The following HMCN1 variants were observed in gnomAD, a reference collection of about 807,000 sequenced individuals.
The protein encoded by HMCN1 is hemicentin-1.
In HMCN1, 321 loss-of-function variants were observed where a neutral mutation model predicts 625.9. The observed-to-expected ratio is 0.51, with a 90% CI of 0.47 to 0.56. The LOEUF (loss-of-function observed/expected upper bound fraction) is 0.56, where lower values mean the gene tolerates loss of function less well. HMCN1 is among the 20% of genes least tolerant of loss of function. The pLI is 0.00. For missense variants in HMCN1, 6,588 were observed against 6,887.3 expected (o/e 0.96, Z 1.54); for synonymous variants, 2,425 against 2,417.6 (o/e 1.00, Z -0.09).
rs1649686114 is a variant in HMCN1 at position 186,137,612 on chromosome 1, A to C, written c.13697A>C (p.Lys4566Thr). 6.2e-7 allele frequency: 1 copy of C among 1,613,956 alleles called. No homozygotes were observed. The change falls in exon 88 of 107, where the codon AAG becomes ACG. Residue 4566 changes from lysine to threonine, a missense_variant. Physicochemically the swap from Lys to Thr is moderately conservative, Grantham distance 78. Around this residue, in one of 3 missense-constraint regions of HMCN1, gnomAD observed 1,954 missense variants for 2,013.1 expected, o/e 0.97. Coordinates refer to ENST00000271588, the MANE Select transcript of HMCN1 (RefSeq NM_031935.3). ...CNQPLPANGG[K>T]PCQGSDLEMR... Reference sequence around the variant, plus strand: ...CAGCCCCTTCCAGCCAATGGTGGGAAGCCCTGCCAAGGTTCAGATTTGGAA... The same window carrying C: ...CAGCCCCTTCCAGCCAATGGTGGGACGCCCTGCCAAGGTTCAGATTTGGAA...
At chr1:185,889,683 T>G (rs1308210217) in intron 4 of HMCN1, among the ~76,000 whole-genome samples, 1 of 139,076 alleles carries the variant, frequency 7.2e-6, no homozygotes, top group Non-Finnish European at 1.5e-5. Flanking sequence ...GTGGATAAGC[T>G]TTTTGATGTG....
chr1:186,042,478 C>T (rs983939261), intron 40 of HMCN1, among the ~76,000 whole-genome samples: 4 of 152,086 alleles, frequency 2.6e-5, no homozygotes, highest in African/African-American at 4.8e-5. Flanking sequence ...CACTGGCTAG[C>T]GTCAAGGGTG....
In HMCN1 at chr1:186,039,759, G is replaced by C; in HGVS notation, c.6060G>C (p.Met2020Ile). 1 of 1,613,480 alleles carries C rather than the reference G, an allele frequency of 6.2e-7. No homozygotes were observed. The highest frequency in any genetic ancestry group is 1.3e-5 in the African/African-American group (1 of 74,988). ...CATCAATTTCTGGCAGCAATAACATGGTGGCAGTGGTGGTTAATAACCCGG... is the reference window on the plus strand; with the variant it reads ...CATCAATTTCTGGCAGCAATAACATCGTGGCAGTGGTGGTTAATAACCCGG... ...VAPSISGSNN[M>I]VAVVVNNPVR... is the part of the protein sequence containing the mutation. The change falls in exon 39 of 107, where the codon ATG (methionine) becomes ATC (isoleucine). Residue 2020 changes from methionine (M) to isoleucine (I), a missense_variant. Physicochemically the swap from Met to Ile is conservative, Grantham distance 10. This residue lies in a region of HMCN1 where 4,628 missense variants were observed against 4,853.1 expected (regional missense o/e 0.95). Transcript: ENST00000271588.
Position 185,782,544 on chromosome 1 carries a change from G to T in HMCN1, c.268+47497G>T, listed in dbSNP as rs538433882. ...GGAGCTCTTTTAGGGCAGGCCTGGT[G>T]GTGACAAAATCTCTCAGCATTTGCT... On this transcript the variant is annotated intron_variant, in intron 1 of 106. Coordinates refer to ENST00000271588, the MANE Select transcript of HMCN1 (RefSeq NM_031935.3). Among the ~76,000 whole-genome samples, 161 of 152,230 alleles carry T rather than the reference G, an allele frequency of 1.1e-3. 2 individuals are homozygous for T. Among genetic ancestry groups the T allele is most frequent in the Non-Finnish European group, 2.1e-4 (14 of 68,012 alleles).
chr1:185,859,894 C>T (rs528090969), intron 2 of HMCN1, among the ~76,000 whole-genome samples: 1 of 152,118 alleles, frequency 6.6e-6, no homozygotes, highest in African/African-American at 2.4e-5. Context: ...TGGTCGCGAA[C>T]TCCTGAGCTC....
At chr1:186,127,564 G>A (rs1661709154) in intron 82 of HMCN1, among the ~76,000 whole-genome samples, 1 of 152,096 alleles carries the variant, frequency 6.6e-6, no homozygotes, top group African/African-American at 2.4e-5. Context: ...GCATAGAAAG[G>A]ACTCATAATT....
chr1:185,896,646 G>A (rs899577713), intron 4 of HMCN1, among the ~76,000 whole-genome samples: 1 of 152,124 alleles, frequency 6.6e-6, no homozygotes, highest in African/African-American at 2.4e-5. Flanking sequence ...TCCTTGGAAC[G>A]GATGCCTCAA....
At chr1:185,749,464 C>A (rs770298865) in intron 1 of HMCN1, among the ~76,000 whole-genome samples, 2 of 152,136 alleles carry the variant, frequency 1.3e-5, no homozygotes, top group Non-Finnish European at 2.9e-5. Context: ...CTTCAAAGGG[C>A]ATCTAATAAG....
chr1:185,818,105 G>A (rs912631308), intron 1 of HMCN1, among the ~76,000 whole-genome samples: 3 of 151,022 alleles, frequency 2.0e-5, no homozygotes, highest in African/African-American at 7.3e-5. Context: ...TATGAGGCAG[G>A]ACACACCTCT....
At chr1:185,775,141 T>A (rs931021736) in intron 1 of HMCN1, among the ~76,000 whole-genome samples, 1 of 152,208 alleles carries the variant, frequency 6.6e-6, no homozygotes, top group Non-Finnish European at 1.5e-5. Flanking sequence ...ACTGAGATTA[T>A]CACCTGGATA....
chr1:186,146,026 T>TTA, intron 93 of HMCN1, 103 bp downstream of exon 93: 10 of 1,163,184 alleles, frequency 8.6e-6, no homozygotes, highest in Non-Finnish European at 1.1e-5. Context: ...AGAGGTGGAA[T>TTA]TAGAAAAAAA....
At chr1:185,915,236 CAGAAG>C (rs1434813976) in intron 6 of HMCN1, among the ~76,000 whole-genome samples, 1 of 152,006 alleles carries the variant, frequency 6.6e-6, no homozygotes, top group Non-Finnish European at 1.5e-5. Flanking sequence ...TTATTAAAAA[CAGAAG>C]AGAAGATTGT....
chr1:185,737,444 A>G (rs1176926745), intron 1 of HMCN1, among the ~76,000 whole-genome samples: 1 of 152,146 alleles, frequency 6.6e-6, no homozygotes, highest in Non-Finnish European at 1.5e-5. Flanking sequence ...GCATCTTGGA[A>G]TGACAGGAAG....
intron 71 of HMCN1, among the ~76,000 whole-genome samples, chr1:186,112,338 A>G (rs1037427252): frequency 6.6e-6 from 1 of 152,258 alleles, no homozygotes; most frequent in Admixed American, 6.5e-5. Flanking sequence ...ACAATAATTG[A>G]TGAATTTCCA....
chr1:185,747,076 A>C (rs1654457639), intron 1 of HMCN1, among the ~76,000 whole-genome samples: 3 of 152,152 alleles, frequency 2.0e-5, no homozygotes, highest in Admixed American at 2.0e-4. Flanking sequence ...ACATAATTCA[A>C]CTCACAGCAA....
intron 86 of HMCN1, 133 bp downstream of exon 86, chr1:186,132,542 C>A: frequency 1.4e-6 from 1 of 728,242 alleles, no homozygotes; most frequent in South Asian, 1.5e-5. Flanking sequence ...TAGTTTTCTG[C>A]TGCTGATGGA....
chr1:185,768,026 GA>G (rs1655982286), intron 1 of HMCN1, among the ~76,000 whole-genome samples: 1 of 152,116 alleles, frequency 6.6e-6, no homozygotes, highest in Non-Finnish European at 1.5e-5. Flanking sequence ...GAAAAAACAT[GA>G]AGTTCAAGTT....
intron 1 of HMCN1, among the ~76,000 whole-genome samples, chr1:185,796,503 G>T (rs560151078): frequency 6.6e-6 from 1 of 152,120 alleles, no homozygotes; most frequent in Non-Finnish European, 1.5e-5. Context: ...TTTAGCTTCC[G>T]CTTATAAGTG....
intron 1 of HMCN1, among the ~76,000 whole-genome samples, chr1:185,777,672 G>A (rs1051228849): frequency 2.0e-5 from 3 of 152,158 alleles, no homozygotes; most frequent in Non-Finnish European, 4.4e-5. Context: ...GGATGGTCTC[G>A]ATCTCTCGAC....
Sources: gnomAD v4.1 joint callset for allele counts (sites outside exome capture counted in the v4.1 genomes callset) on GRCh38, gnomAD v4.1.1 for gene constraint, gnomAD v4.1.1 regional missense constraint, MANE v1.5 for transcripts, NCBI Gene and HGNC (gene_info 2026-07-23, HGNC 2026-07-21) for gene names.